Variants in RBL2 observed in about 807,000 individuals in gnomAD.
The protein encoded by RBL2 is RB transcriptional corepressor like 2.
In RBL2, 56 loss-of-function variants were observed where a neutral mutation model predicts 126.0. That is an observed-to-expected ratio of 0.44 (90% CI 0.36 to 0.56). The LOEUF is 0.56. RBL2 is among the 20% of genes least tolerant of loss of function. The pLI is 0.00. For synonymous variants in RBL2, 454 were observed against 478.5 expected (o/e 0.95, Z 0.67); for missense variants, 1,229 against 1,398.2 (o/e 0.88, Z 1.93).
At position 53,464,244 on chromosome 16, in the gene RBL2, G is replaced by A; in HGVS notation, c.1579G>A (p.Ala527Thr). 1.3e-6 allele frequency: 2 copies of A among 1,583,208 alleles called. No individual in the cohort carries two copies. Among genetic ancestry groups the A allele is most frequent in the African/African-American group, 1.4e-5 (1 of 73,388 alleles). ...MDLSGILEQD[A>T]FHRSLLACCL... ...TTTATAGGGTATTCTGGAACAAGAT[G>A]CGTTCCACAGATCTCTCTTGGCCTG... The change falls in exon 12 of 22, where the codon GCG becomes ACG. Residue 527 changes from alanine to threonine, a missense_variant. Around this residue, in one of 2 missense-constraint regions of RBL2, gnomAD observed 1,070 missense variants for 1,274.3 expected, o/e 0.84. Coordinates refer to ENST00000262133, the MANE Select transcript of RBL2 (RefSeq NM_005611.4).
intron 12 of RBL2, 63 bp from the exon 13 acceptor site, chr16:53,465,375 C>A: frequency 8.9e-7 from 1 of 1,128,358 alleles, no homozygotes; most frequent in Non-Finnish European, 1.2e-6. Flanking sequence ...TGACTAATTT[C>A]TTGTCTAAAT....
chr16:53,434,578 T>TCGCCAC lies in RBL2; in HGVS notation c.27_32dup (p.Pro15_Pro16dup). ...CGCTATGCCGTCGGGAGGTGACCAG[T>TCGCCAC]CGCCACCGCCCCCGCCTCCCCCTCC... On this transcript the variant is annotated inframe_insertion, in exon 1 of 22. Transcript: ENST00000262133. The TCGCCAC allele has an allele frequency of 6.5e-7, 1 of 1,532,406 alleles. No homozygotes were observed. Among genetic ancestry groups the TCGCCAC allele is most frequent in the East Asian group, 2.5e-5 (1 of 40,482 alleles). 94.9% of individuals were successfully genotyped at this position (1,532,406 alleles called of 1,614,324 possible). A position where few individuals can be genotyped will look rare whatever the true frequency, so the allele number is the denominator to read the frequency against.
chr16:53,465,920 A>G (rs1263923780), intron 13 of RBL2: 1 of 176,262 alleles, frequency 5.7e-6, no homozygotes, highest in African/African-American at 2.4e-5. Context: ...GGACAGCTCT[A>G]GAGATCCTCG....
intron 17 of RBL2, among the ~76,000 whole-genome samples, chr16:53,474,566 T>C (rs1421842846): frequency 2.0e-5 from 3 of 152,210 alleles, no homozygotes; most frequent in Non-Finnish European, 4.4e-5. Context: ...TCCACCTGCC[T>C]CGGCCTCCCA....
chr16:53,488,801 T>TAAAC (rs145455325), intron 21 of RBL2: 40 of 152,264 alleles, frequency 2.6e-4, no homozygotes, highest in African/African-American at 8.9e-4. Flanking sequence ...ATGTATACAG[T>TAAAC]AAACAGTGTA....
chr16:53,470,031 C>G lies in RBL2; in HGVS notation c.2091C>G (p.Arg697=), dbSNP rs11540358. Residue 697 remains arginine, a synonymous_variant, in exon 15 of 22, where the codon CGC becomes CGG. Transcript: ENST00000262133. Reference sequence around the variant, plus strand: ...CCTCTGATGGAGGGACGCCTGGGCGCATGCCCCCACAGCCCCTAGTCAATG... The same window carrying G: ...CCTCTGATGGAGGGACGCCTGGGCGGATGCCCCCACAGCCCCTAGTCAATG... The part of the protein sequence containing the change: ...DSPSDGGTPG[R]MPPQPLVNAV... 474,026 of 1,612,914 alleles carry G rather than the reference C, an allele frequency of 0.29. 72,784 individuals are homozygous for G. Among genetic ancestry groups the G allele is most frequent in the African/African-American group, 0.35 (26,365 of 74,944 alleles).
Position 53,434,603 on chromosome 16 carries a change from C to T in RBL2, c.47C>T (p.Pro16Leu), listed in dbSNP as rs2057935532. 14 of 1,550,118 alleles carry T rather than the reference C, an allele frequency of 9.0e-6. No homozygotes were observed. Among genetic ancestry groups the T allele is most frequent in the African/African-American group, 1.4e-5 (1 of 71,602 alleles). The change falls in exon 1 of 22, where the codon CCG (proline) becomes CTG (leucine). Residue 16 changes from proline (P) to leucine (L), a missense_variant. Coordinates refer to ENST00000262133, the MANE Select transcript of RBL2 (RefSeq NM_005611.4). The part of the protein sequence containing the change: ...DQSPPPPPPP[P>L]AAAASDEEEE... ...TCGCCACCGCCCCCGCCTCCCCCTCCGGCGGCGGCAGCCTCGGATGAGGAG... is the reference window on the plus strand; with the variant it reads ...TCGCCACCGCCCCCGCCTCCCCCTCTGGCGGCGGCAGCCTCGGATGAGGAG...
chr16:53,443,344 T>G (rs1293813236), intron 3 of RBL2: 1 of 152,466 alleles, frequency 6.6e-6, no homozygotes, highest in South Asian at 2.1e-4. Context: ...GCCCTAGATA[T>G]AGATCACTAT....
At position 53,490,462 on chromosome 16, in the gene RBL2, G is replaced by A. The variant is rs997575793; in HGVS notation, c.*162G>A. 4 of 499,928 alleles carry A rather than the reference G, an allele frequency of 8.0e-6. No individual in the cohort carries two copies. The highest frequency in any genetic ancestry group is 2.0e-5 in the African/African-American group (1 of 50,692). The allele number at this position is 499,928 out of a possible 1,614,324, so 31.0% of individuals were successfully genotyped here. On this transcript the variant is annotated 3_prime_UTR_variant, in exon 22 of 22. Coordinates refer to ENST00000262133, the MANE Select transcript of RBL2 (RefSeq NM_005611.4). The stretch of plus-strand genomic sequence containing the variant: ...GAAATGGGACTTAACTCCTTCCAGT[G>A]TCCTTAGAACATTTTAATTCATCCC...
At chr16:53,442,081 A>G (rs951338860) in intron 2 of RBL2, among the ~76,000 whole-genome samples, 3 of 152,064 alleles carry the variant, frequency 2.0e-5, no homozygotes, top group African/African-American at 4.8e-5. Flanking sequence ...CGGCCTCCCA[A>G]AGTGCTGGGA....
chr16:53,451,980 CTGTAAAA>C, intron 5 of RBL2, 149 bp downstream of exon 5: 8 of 869,576 alleles, frequency 9.2e-6, no homozygotes, highest in Non-Finnish European at 1.3e-5. Context: ...GTCAAGCTGC[CTGTAAAA>C]ATATTTTTGG....
intron 21 of RBL2, chr16:53,488,255 A>G (rs912923894): frequency 6.7e-6 from 1 of 150,202 alleles, no homozygotes; most frequent in East Asian, 1.9e-4. Flanking sequence ...CAATGTAGAT[A>G]AATCTCAAAT....
intron 17 of RBL2, among the ~76,000 whole-genome samples, chr16:53,476,852 A>G (rs1960743696): frequency 6.6e-6 from 1 of 152,060 alleles, no homozygotes; most frequent in East Asian, 1.9e-4. Context: ...TTTCGAATGT[A>G]TTTGTATTTT....
At chr16:53,479,022 A>G in intron 17 of RBL2, 132 bp from the exon 18 acceptor site, 1 of 698,372 alleles carries the variant, frequency 1.4e-6, no homozygotes, top group Admixed American at 2.6e-5. Flanking sequence ...TGCCGTTAAT[A>G]CCATTTCCAG....
chr16:53,439,436 G>C (rs2057992810), intron 2 of RBL2, among the ~76,000 whole-genome samples: 1 of 152,094 alleles, frequency 6.6e-6, no homozygotes, highest in African/African-American at 2.4e-5. Context: ...GAGAAATGAA[G>C]GATATTGAGA....
chr16:53,472,597 T>C (rs1787168754), intron 17 of RBL2, among the ~76,000 whole-genome samples: 1 of 152,210 alleles, frequency 6.6e-6, no homozygotes, highest in Non-Finnish European at 1.5e-5. Flanking sequence ...AAAATTATGT[T>C]ATTATTGAGT....
intron 3 of RBL2, among the ~76,000 whole-genome samples, chr16:53,444,783 G>A (rs2058046703): frequency 1.3e-5 from 2 of 152,014 alleles, no homozygotes; most frequent in Non-Finnish European, 2.9e-5. Flanking sequence ...AGGAGTCGGA[G>A]GTTTCAGTGA....
chr16:53,470,954 A>G (rs770316921), intron 17 of RBL2, 32 bp downstream of exon 17: 2 of 1,576,108 alleles, frequency 1.3e-6, no homozygotes. Flanking sequence ...AAAGGCAAAG[A>G]TAGGTCTTCA....
intron 9 of RBL2, 67 bp downstream of exon 9, chr16:53,459,684 C>G: frequency 7.2e-7 from 1 of 1,382,768 alleles, no homozygotes; most frequent in Non-Finnish European, 9.7e-7. Context: ...CCTATTCTTT[C>G]ATTATTAATG....
Sources: gnomAD v4.1 joint callset for allele counts (sites outside exome capture counted in the v4.1 genomes callset) on GRCh38, gnomAD v4.1.1 for gene constraint, gnomAD v4.1.1 regional missense constraint, MANE v1.5 for transcripts, NCBI Gene and HGNC (gene_info 2026-07-23, HGNC 2026-07-21) for gene names.